Variants in SLC43A2 observed in about 807,000 individuals in gnomAD.
SLC43A2 encodes solute carrier family 43 member 2, also known as large neutral amino acids transporter small subunit 4.
In SLC43A2, 38 loss-of-function variants were observed where a neutral mutation model predicts 63.2. The ratio of observed to expected loss-of-function variants is 0.60; its 90% CI spans 0.46 to 0.79. The LOEUF (loss-of-function observed/expected upper bound fraction) is 0.79. Among genes scored for constraint, SLC43A2 ranks in the 30% least tolerant of loss-of-function variants. SLC43A2 has a pLI of 0.00. For missense variants in SLC43A2, 644 were observed against 756.2 expected (o/e 0.85, Z 1.74); for synonymous variants, 322 against 331.0 (o/e 0.97, Z 0.30).
chr17:1,585,977 T>C lies in SLC43A2; in HGVS notation c.1153A>G (p.Met385Val). Residue 385 changes from methionine to valine, a missense_variant, in exon 10 of 14, where the codon ATG (methionine) becomes GTG (valine). Met to Val is a conservative substitution (Grantham distance 21). Transcript: ENST00000301335. Reference sequence around the variant, plus strand: ...TCACACTCCTTCAGCCTCCAGTCCATGATGTAGCCAATGACGGGGGCCGTC... The same window carrying C: ...TCACACTCCTTCAGCCTCCAGTCCACGATGTAGCCAATGACGGGGGCCGTC... Reference protein sequence around the residue: ...LLTAPVIGYIMDWRLKECEDA... With the variant: ...LLTAPVIGYIVDWRLKECEDA... 1 of 1,613,302 alleles carries C rather than the reference T, an allele frequency of 6.2e-7. No individual in the cohort carries two copies. The highest frequency in any genetic ancestry group is 1.3e-5 in the African/African-American group (1 of 75,062).
chr17:1,588,870 G>A (rs368877842), intron 9 of SLC43A2, among the ~76,000 whole-genome samples: 37 of 152,320 alleles, frequency 2.4e-4, no homozygotes, highest in Middle Eastern at 3.4e-3. Context: ...ACCAGCACCC[G>A]GGAGCCTCTG....
chr17:1,581,917 T>A (rs1256252179), intron 11 of SLC43A2, among the ~76,000 whole-genome samples: 1 of 151,154 alleles, frequency 6.6e-6, no homozygotes, highest in Non-Finnish European at 1.5e-5. Flanking sequence ...GCAATTCTCC[T>A]GCCTCAGCCC....
At chr17:1,596,352 G>T (rs1166377636) in intron 5 of SLC43A2, among the ~76,000 whole-genome samples, 1 of 151,954 alleles carries the variant, frequency 6.6e-6, no homozygotes, top group Non-Finnish European at 1.5e-5. Flanking sequence ...GGCTGGGAGT[G>T]GTGGCTCGTG....
chr17:1,603,817 A>C (rs1430526736), intron 5 of SLC43A2, among the ~76,000 whole-genome samples: 2 of 141,002 alleles, frequency 1.4e-5, no homozygotes, highest in Non-Finnish European at 3.3e-5. Context: ...CAAAACAAAA[A>C]CTTAAAGATT....
intron 10 of SLC43A2, chr17:1,585,629 C>G (rs766579119): frequency 1.5e-6 from 2 of 1,298,048 alleles, no homozygotes; most frequent in South Asian, 2.6e-5. Context: ...CTCAAGTGAT[C>G]TTCCTACCCC....
At chr17:1,576,793 C>T (rs1005213439) in intron 12 of SLC43A2, 73 bp from the exon 13 acceptor site, 87 of 1,558,276 alleles carry the variant, frequency 5.6e-5, no homozygotes, top group Non-Finnish European at 6.8e-5. Flanking sequence ...CTGGTGACCC[C>T]GGGCTGCACC....
At position 1,622,021 on chromosome 17, in the gene SLC43A2, G is replaced by T. The variant is rs541952036; in HGVS notation, c.161-5252C>A. Among the ~76,000 whole-genome samples the T allele has an allele frequency of 1.1e-4, 16 of 152,334 alleles. No individual in the cohort carries two copies. In the Middle Eastern group the frequency reaches 0.017, roughly 162 times the overall value. On this transcript the variant is annotated intron_variant, in intron 2 of 13. Coordinates refer to ENST00000301335, the MANE Select transcript of SLC43A2 (RefSeq NM_152346.3). ...GCCTAAGCTGGACAGGACCTTCATG[G>T]ACACCAGAAGCCAGGGGTGGCCAGT... is the stretch of plus-strand genomic sequence containing the variant.
At chr17:1,603,967 G>A (rs1324901121) in intron 5 of SLC43A2, among the ~76,000 whole-genome samples, 1 of 152,186 alleles carries the variant, frequency 6.6e-6, no homozygotes, top group Non-Finnish European at 1.5e-5. Flanking sequence ...CTTCAGTTTG[G>A]ATCCCACGGC....
chr17:1,605,024 C>A lies in SLC43A2; in HGVS notation c.501+8171G>T. 2 of 1,423,502 alleles carry A rather than the reference C, an allele frequency of 1.4e-6. No individual in the cohort carries two copies. Among genetic ancestry groups the A allele is most frequent in the Non-Finnish European group, 1.8e-6 (2 of 1,090,878 alleles). The allele number at this position is 1,423,502 out of a possible 1,614,324, so 88.2% of individuals were successfully genotyped here. A position where few individuals can be genotyped will look rare whatever the true frequency, so the allele number is the denominator to read the frequency against. ...GGGAAGGACCCCAGGAGGGGAAGGA[C>A]CAGCTTTGCTGCCAAGCAGGAAGCC... On this transcript the variant is annotated intron_variant, in intron 5 of 13. Coordinates refer to ENST00000301335, the MANE Select transcript of SLC43A2 (RefSeq NM_152346.3). The surrounding 1 kb of genome is among the most constrained non-coding windows in gnomAD (Gnocchi z 4.9).
intron 5 of SLC43A2, among the ~76,000 whole-genome samples, chr17:1,612,590 G>A (rs942550664): frequency 6.6e-6 from 1 of 152,256 alleles, no homozygotes; most frequent in Non-Finnish European, 1.5e-5. Flanking sequence ...AAAGAAAGTG[G>A]GCGGCAGCGT....
At chr17:1,614,507 G>T (rs1907415122) in intron 4 of SLC43A2, among the ~76,000 whole-genome samples, 1 of 151,752 alleles carries the variant, frequency 6.6e-6, no homozygotes, top group Non-Finnish European at 1.5e-5. Flanking sequence ...AAAATCAGTA[G>T]ATGAGCCTGG....
rs1345415334 is a variant in SLC43A2, at chr17:1,576,635, G to A, written c.1510C>T (p.Leu504=). 6.2e-7 allele frequency: 1 copy of A among 1,610,570 alleles called. No homozygotes were observed. The highest frequency in any genetic ancestry group is 8.5e-7 in the Non-Finnish European group (1 of 1,179,964). ...LFALLQQPLF[L]AMMGPLQGDP... ...CCCTGGAGAGGACCCATCATGGCCA[G>A]AAACAGCGGCTGCTGCAGAAGGGCG... Residue 504 remains leucine (L), a synonymous_variant, in exon 13 of 14, where the codon CTG becomes TTG. Coordinates refer to ENST00000301335, the MANE Select transcript of SLC43A2 (RefSeq NM_152346.3).
At chr17:1,613,097 C>G in intron 5 of SLC43A2, 98 bp downstream of exon 5, 1 of 1,103,598 alleles carries the variant, frequency 9.1e-7, no homozygotes, top group Non-Finnish European at 1.3e-6. Context: ...CAGGCACATG[C>G]AGGCACATGG....
At chr17:1,625,811 C>T (rs910477339) in intron 2 of SLC43A2, among the ~76,000 whole-genome samples, 1 of 152,094 alleles carries the variant, frequency 6.6e-6, no homozygotes, top group East Asian at 1.9e-4. Flanking sequence ...GACCCTTCAC[C>T]TTCACTTTGG....
rs373775874 is a variant in SLC43A2 at position 1,591,550 on chromosome 17, G to T, written c.728+16C>A. On this transcript the variant is annotated intron_variant, in intron 7 of 13. Coordinates refer to ENST00000301335, the MANE Select transcript of SLC43A2 (RefSeq NM_152346.3). ...CGGGGGCTGGGGGCAGGCGGGACGG[G>T]GGCACCTCTACTTACGAGTAGTCCA... 1.1e-5 allele frequency: 17 copies of T among 1,560,582 alleles called. No individual in the cohort carries two copies. The highest frequency in any genetic ancestry group is 2.4e-5 in the East Asian group (1 of 41,982).
In SLC43A2 at chr17:1,591,396, C is replaced by A; in HGVS notation, c.804G>T (p.Thr268=). 6.2e-7 allele frequency: 1 copy of A among 1,612,970 alleles called. No individual in the cohort carries two copies. The highest frequency in any genetic ancestry group is 8.5e-7 in the Non-Finnish European group (1 of 1,179,978). The change falls in exon 8 of 14, where the codon ACG becomes ACT. Residue 268 remains threonine (T), a synonymous_variant. Transcript: ENST00000301335. ...TGKQFYKQVT[T]VGRRLSVGSS... ...TGCCCACACTCAGGCGCCGGCCCACCGTGGTCACCTGCTTGTAGAACTGCT... is the reference window on the plus strand; with the variant it reads ...TGCCCACACTCAGGCGCCGGCCCACAGTGGTCACCTGCTTGTAGAACTGCT...
intron 5 of SLC43A2, among the ~76,000 whole-genome samples, chr17:1,599,163 AC>A (rs1348554228): frequency 1.3e-5 from 2 of 151,956 alleles, no homozygotes; most frequent in Admixed American, 1.3e-4. Context: ...ACATGGTGAA[AC>A]CCCATCTCTA....
In SLC43A2 at chr17:1,605,272, C is replaced by T. The variant is rs574911374; in HGVS notation, c.501+7923G>A. On this transcript the variant is annotated intron_variant, in intron 5 of 13. Coordinates refer to ENST00000301335, the MANE Select transcript of SLC43A2 (RefSeq NM_152346.3). The surrounding 1 kb of genome is among the most constrained non-coding windows in gnomAD (Gnocchi z 4.9). ...CCCCCTGGCTGCAGCATAAACAGGC[C>T]GGACTGTGTGACCTTCCCAGAGGGG... 37 of 1,050,212 alleles carry T rather than the reference C, an allele frequency of 3.5e-5. No individual in the cohort carries two copies. Among genetic ancestry groups the T allele is most frequent in the African/African-American group, 1.0e-4 (6 of 59,158 alleles). The allele number at this position is 1,050,212 out of a possible 1,614,324, so 65.1% of individuals were successfully genotyped here. A position where few individuals can be genotyped will look rare whatever the true frequency, so the allele number is the denominator to read the frequency against.
At chr17:1,612,724 C>T (rs896616160) in intron 5 of SLC43A2, among the ~76,000 whole-genome samples, 10 of 152,356 alleles carry the variant, frequency 6.6e-5, no homozygotes, top group South Asian at 4.1e-4. Context: ...GTCACCCCAG[C>T]GCTTTGGGAG....
Sources: gnomAD v4.1 joint callset for allele counts (sites outside exome capture counted in the v4.1 genomes callset) on GRCh38, gnomAD v4.1.1 for gene constraint, Gnocchi (gnomAD v3.1) non-coding constraint, MANE v1.5 for transcripts, NCBI Gene and HGNC (gene_info 2026-07-23, HGNC 2026-07-21) for gene names.